The following SLC44A1 variants were observed in gnomAD, a reference collection of about 807,000 sequenced individuals.
SLC44A1 encodes solute carrier family 44 member 1.
SLC44A1 carries 26 observed loss-of-function variants against 79.3 expected under a neutral mutation model. The observed-to-expected ratio is 0.33, with a 90% CI of 0.24 to 0.46. The LOEUF is 0.46. Among genes scored for constraint, SLC44A1 ranks in the 20% least tolerant of loss-of-function variants. The pLI is 1.00. For missense variants in SLC44A1, 688 were observed against 798.1 expected, an observed-to-expected ratio of 0.86 and a Z score of 1.66; for synonymous variants, 263 against 286.2, an observed-to-expected ratio of 0.92 and a Z score of 0.82.
chr9:105,342,647 C>G (rs140382013), intron 4 of SLC44A1, among the ~76,000 whole-genome samples: 3,201 of 152,258 alleles, frequency 0.021, 57 homozygotes, highest in Non-Finnish European at 0.031. Flanking sequence ...GTCCATAGAC[C>G]ACCCTTCACT....
chr9:105,360,811 T>A (rs1827755929), intron 7 of SLC44A1, among the ~76,000 whole-genome samples: 1 of 152,172 alleles, frequency 6.6e-6, no homozygotes, highest in South Asian at 2.1e-4. Context: ...GCTTCATTGA[T>A]GTTTTCTGTG....
intron 15 of SLC44A1, among the ~76,000 whole-genome samples, chr9:105,403,639 T>C (rs1828987439): frequency 6.8e-6 from 1 of 147,228 alleles, no homozygotes; most frequent in South Asian, 2.3e-4. Flanking sequence ...CAGATGATTG[T>C]AATCTAGTGT....
intron 1 of SLC44A1, among the ~76,000 whole-genome samples, chr9:105,270,382 A>G (rs539764016): frequency 6.6e-6 from 1 of 152,160 alleles, no homozygotes; most frequent in Non-Finnish European, 1.5e-5. Context: ...TTCTCCACTC[A>G]ATAGCCTGAG....
chr9:105,272,755 G>A (rs992550663), intron 1 of SLC44A1, among the ~76,000 whole-genome samples: 1 of 152,060 alleles, frequency 6.6e-6, no homozygotes. Flanking sequence ...CTACTGGTCA[G>A]TTGAAAAAAT....
At chr9:105,386,517 A>T in intron 15 of SLC44A1, 1 of 715,974 alleles carries the variant, frequency 1.4e-6, no homozygotes, top group South Asian at 6.3e-5. Context: ...TGTGGGCCGC[A>T]TATGGCTTAG....
rs557943994 is a variant in SLC44A1 at position 105,288,604 on chromosome 9, C to T, written c.37-10616C>T. Among the ~76,000 whole-genome samples the T allele has an allele frequency of 2.6e-5, 4 of 152,332 alleles. No homozygotes were observed. In the East Asian group the frequency reaches 7.7e-4, roughly 29 times the overall value. Reference sequence around the variant, plus strand: ...GATTAAGCGATCCTCTAGCCTCAGCCTCTCAAAGTGCTAGGACTACAGGCA... The same window carrying T: ...GATTAAGCGATCCTCTAGCCTCAGCTTCTCAAAGTGCTAGGACTACAGGCA... On this transcript the variant is annotated intron_variant, in intron 1 of 15. Coordinates refer to ENST00000374720, the MANE Select transcript of SLC44A1 (RefSeq NM_080546.5).
rs147623181 is a variant in SLC44A1 at position 105,385,364 on chromosome 9, T to G, written c.1870-58T>G. 3.6e-5 allele frequency: 43 copies of G among 1,198,742 alleles called. 1 individual carries two copies. The Middle Eastern group carries it at 9.6e-4, about 27-fold the overall frequency. 74.3% of individuals were successfully genotyped at this position (1,198,742 alleles called of 1,614,324 possible). ...AAATGTAGATGTTCTTTAGAATTCATCTACTAACAAATCTGAAAGGACCCA... is the reference window on the plus strand; with the variant it reads ...AAATGTAGATGTTCTTTAGAATTCAGCTACTAACAAATCTGAAAGGACCCA... On this transcript the variant is annotated intron_variant, in intron 14 of 15. Coordinates refer to ENST00000374720, the MANE Select transcript of SLC44A1 (RefSeq NM_080546.5).
At chr9:105,270,463 T>C (rs1049552709) in intron 1 of SLC44A1, among the ~76,000 whole-genome samples, 1 of 152,138 alleles carries the variant, frequency 6.6e-6, no homozygotes, top group African/African-American at 2.4e-5. Flanking sequence ...AAATATAATA[T>C]CCAGACTTCT....
chr9:105,316,080 A>G (rs1208504651), intron 3 of SLC44A1, among the ~76,000 whole-genome samples: 1 of 152,194 alleles, frequency 6.6e-6, no homozygotes, highest in Non-Finnish European at 1.5e-5. Context: ...TTTCCTGGCC[A>G]TCTTCTTTGA....
chr9:105,389,385 GA>G lies in SLC44A1; in HGVS notation c.*330del. 9.4e-7 allele frequency: 1 copy of G among 1,064,052 alleles called. No homozygotes were observed. The highest frequency in any genetic ancestry group is 6.5e-5 in the East Asian group (1 of 15,440). 65.9% of individuals were successfully genotyped at this position (1,064,052 alleles called of 1,614,324 possible). A position where few individuals can be genotyped will look rare whatever the true frequency, so the allele number is the denominator to read the frequency against. On this transcript the variant is annotated 3_prime_UTR_variant, in exon 16 of 16. Coordinates refer to ENST00000374720, the MANE Select transcript of SLC44A1 (RefSeq NM_080546.5). ...GATTAACATTTTTAATAACTTAGAGGAGATTTTAACTTTATTTAAAAATAGG... is the reference window on the plus strand; with the variant it reads ...GATTAACATTTTTAATAACTTAGAGGGATTTTAACTTTATTTAAAAATAGG...
intron 4 of SLC44A1, among the ~76,000 whole-genome samples, chr9:105,341,240 TAGG>T: frequency 6.7e-6 from 1 of 149,146 alleles, no homozygotes; most frequent in Admixed American, 6.8e-5. Flanking sequence ...GAGGCTGAGA[TAGG>T]AGAATTGCTT....
At chr9:105,415,242 T>C (rs1829152119) in intron 15 of SLC44A1, among the ~76,000 whole-genome samples, 1 of 152,208 alleles carries the variant, frequency 6.6e-6, no homozygotes, top group South Asian at 2.1e-4. Flanking sequence ...GCCCACAGTT[T>C]TGAGAAATCA....
intron 1 of SLC44A1, among the ~76,000 whole-genome samples, chr9:105,279,919 T>A (rs1400501854): frequency 6.6e-6 from 1 of 152,192 alleles, no homozygotes; most frequent in East Asian, 1.9e-4. Flanking sequence ...GTTAGAAACA[T>A]GTAGCATAAA....
chr9:105,384,271 C>A (rs1157765251), intron 14 of SLC44A1, among the ~76,000 whole-genome samples: 3 of 151,928 alleles, frequency 2.0e-5, no homozygotes, highest in Non-Finnish European at 2.9e-5. Context: ...GCAACCTCTA[C>A]CTCCCAGGTT....
chr9:105,390,152 G>A lies in SLC44A1; in HGVS notation c.*1096G>A, dbSNP rs1828726815. ...TTGGCTAATGTTTTGATCCTCCAGTGTGACTGTTGTTTTTGTTTGGGGGTG... is the reference window on the plus strand; with the variant it reads ...TTGGCTAATGTTTTGATCCTCCAGTATGACTGTTGTTTTTGTTTGGGGGTG... On this transcript the variant is annotated 3_prime_UTR_variant, in exon 16 of 16. Transcript: ENST00000374720. 4 of 1,216,026 alleles carry A rather than the reference G, an allele frequency of 3.3e-6. No homozygotes were observed. The highest frequency in any genetic ancestry group is 4.1e-6 in the Non-Finnish European group (4 of 973,934). The allele number at this position is 1,216,026 out of a possible 1,614,324, so 75.3% of individuals were successfully genotyped here. A position where few individuals can be genotyped will look rare whatever the true frequency, so the allele number is the denominator to read the frequency against.
At chr9:105,375,620 A>G (rs950910402) in intron 13 of SLC44A1, among the ~76,000 whole-genome samples, 9 of 152,212 alleles carry the variant, frequency 5.9e-5, no homozygotes, top group African/African-American at 2.2e-4. Context: ...GTTCTCAGTG[A>G]ATGTTAGTTG....
At chr9:105,279,252 A>G (rs1240112000) in intron 1 of SLC44A1, among the ~76,000 whole-genome samples, 1 of 151,946 alleles carries the variant, frequency 6.6e-6, no homozygotes, top group African/African-American at 2.4e-5. Context: ...TAATATGCTC[A>G]AAAAACATTT....
intron 13 of SLC44A1, among the ~76,000 whole-genome samples, chr9:105,375,716 C>T (rs913586957): frequency 6.6e-6 from 1 of 151,950 alleles, no homozygotes; most frequent in Non-Finnish European, 1.5e-5. Context: ...TTAGAAGTGT[C>T]GAACAAGAGG....
rs1474236314 is a variant in SLC44A1 at position 105,299,810 on chromosome 9, G to A, written c.126+501G>A. The A allele has an allele frequency of 4.1e-6, 4 of 986,510 alleles. No homozygotes were observed. In the African/African-American group the frequency reaches 7.0e-5, roughly 17 times the overall value. 61.1% of individuals were successfully genotyped at this position (986,510 alleles called of 1,614,324 possible). A position where few individuals can be genotyped will look rare whatever the true frequency, so the allele number is the denominator to read the frequency against. ...TCGATTGGAGATGAAGGGACCTGGTGGTTTTCCAACGGCCCCTGCTGCCTG... is the reference window on the plus strand; with the variant it reads ...TCGATTGGAGATGAAGGGACCTGGTAGTTTTCCAACGGCCCCTGCTGCCTG... On this transcript the variant is annotated intron_variant, in intron 2 of 15. Transcript: ENST00000374720.
Sources: allele counts gnomAD v4.1 joint callset (sites outside exome capture counted in the v4.1 genomes callset), GRCh38; gene constraint gnomAD v4.1.1; transcripts MANE v1.5; gene names NCBI Gene and HGNC (gene_info 2026-07-23, HGNC 2026-07-21).